The following MUS81 variants were observed in gnomAD, a reference collection of about 807,000 sequenced individuals.
MUS81 encodes MUS81 structure-specific endonuclease subunit, also known as structure-specific endonuclease subunit MUS81.
A neutral mutation model predicts 74.2 loss-of-function variants in MUS81; 69 were observed. The observed-to-expected ratio is 0.93, with a 90% CI of 0.77 to 1.14. The LOEUF is 1.14. MUS81 is among the 50% of genes most tolerant of loss of function. The probability of loss-of-function intolerance (pLI) is 0.00; values close to 1 mark genes in which losing one functional copy is unlikely to be tolerated. For missense variants in MUS81, 711 were observed against 726.5 expected (o/e 0.98, Z 0.25); for synonymous variants, 303 against 300.6 (o/e 1.01, Z -0.08).
Position 65,864,502 on chromosome 11 carries a change from G to A in MUS81, c.1065G>A (p.Arg355=), listed in dbSNP as rs630303. Reference sequence around the variant, plus strand: ...CACTCTGTACACTTCCCTAGTTCCGGCTGAAGCGCTGTGGTCTGGAGCGCC... The same window carrying A: ...CACTCTGTACACTTCCCTAGTTCCGACTGAAGCGCTGTGGTCTGGAGCGCC... ...IDGRFREQKF[R]LKRCGLERRV... The change falls in exon 11 of 16, where the codon CGG becomes CGA. Residue 355 remains arginine, a synonymous_variant. Transcript: ENST00000308110. 0.63 allele frequency: 1,012,059 copies of A among 1,612,680 alleles called. 328,583 individuals carry two copies. The highest frequency in any genetic ancestry group is 0.7 in the Middle Eastern group (4,248 of 6,056).
Position 65,863,637 on chromosome 11 carries a change from C to T in MUS81, c.877C>T (p.Arg293Trp), listed in dbSNP as rs777034208. ...HRPELLRELQRLHVTHTVRKL... is the reference protein window; with the variant it reads ...HRPELLRELQWLHVTHTVRKL... ...GCCGGAGCTGCTCCGAGAGCTACAG[C>T]GGCTGCACGTGACCCACACGGTGCG... Residue 293 changes from arginine to tryptophan, a missense_variant, in exon 9 of 16, where the codon CGG becomes TGG. Physicochemically the swap from Arg to Trp is moderately radical, Grantham distance 101 (BLOSUM62 -3). Transcript: ENST00000308110. 7.4e-5 allele frequency: 120 copies of T among 1,613,898 alleles called. No individual in the cohort carries two copies. Among genetic ancestry groups the T allele is most frequent in the African/African-American group, 4.5e-4 (34 of 74,904 alleles).
Position 65,865,893 on chromosome 11 carries a change from A to G in MUS81, c.1588A>G (p.Arg530Gly). ...LSTIKCGRLQ[R>G]NLGPALSRTL... ...CACCATTAAGTGTGGGCGTCTACAG[A>G]GGTGAGGGCAAGAGACGGAACCTGG... Residue 530 changes from arginine to glycine, a missense_variant and splice_region_variant, in exon 15 of 16, where the codon AGG becomes GGG. Arg to Gly is a moderately radical substitution (Grantham distance 125). Transcript: ENST00000308110. 6.2e-7 allele frequency: 1 copy of G among 1,614,096 alleles called. No individual in the cohort carries two copies. The highest frequency in any genetic ancestry group is 1.7e-4 in the Middle Eastern group (1 of 6,056).
chr11:65,867,242 C>CT, downstream of MUS81: 1 of 741,170 alleles, frequency 1.3e-6, no homozygotes, highest in Non-Finnish European at 2.2e-6. Context: ...CTCGATGTCT[C>CT]TCCTCCCCAC....
Position 65,863,461 on chromosome 11 carries a change from G to C in MUS81, c.798G>C (p.Glu266Asp). Residue 266 changes from glutamate to aspartate, a missense_variant, in exon 8 of 16, where the codon GAG (glutamate) becomes GAC (aspartate). Physicochemically the swap from Glu to Asp is conservative, Grantham distance 45. Transcript: ENST00000308110. ...AGCCACTGGAGCTGAGGCCTGGAGAGTACAGGGTGCTGTTGTGTGTGGACA... is the reference window on the plus strand; with the variant it reads ...AGCCACTGGAGCTGAGGCCTGGAGACTACAGGGTGCTGTTGTGTGTGGACA... Reference protein sequence around the residue: ...QQQPLELRPGEYRVLLCVDIG... With the variant: ...QQQPLELRPGDYRVLLCVDIG... 6.2e-7 allele frequency: 1 copy of C among 1,614,184 alleles called. No homozygotes were observed. Among genetic ancestry groups the C allele is most frequent in the East Asian group, 2.2e-5 (1 of 44,884 alleles).
chr11:65,861,167 T>C lies in MUS81; in HGVS notation c.265+65T>C. The C allele has an allele frequency of 3.7e-6, 6 of 1,605,872 alleles. No homozygotes were observed. In the South Asian group the frequency reaches 6.6e-5, roughly 18 times the overall value. On this transcript the variant is annotated intron_variant, in intron 2 of 15. Coordinates refer to ENST00000308110, the MANE Select transcript of MUS81 (RefSeq NM_025128.5). Reference sequence around the variant, plus strand: ...CCCAGGTGGAGCCTCCGTACTCTCCTGGGAGCCCTTGGCTTTTAAGCTCCC... The same window carrying C: ...CCCAGGTGGAGCCTCCGTACTCTCCCGGGAGCCCTTGGCTTTTAAGCTCCC...
chr11:65,866,016 A>G lies in MUS81; in HGVS notation c.1620A>G (p.Leu540=), dbSNP rs1185116028. Residue 540 remains leucine, a synonymous_variant, in exon 16 of 16, where the codon TTA becomes TTG. Coordinates refer to ENST00000308110, the MANE Select transcript of MUS81 (RefSeq NM_025128.5). Reference sequence around the variant, plus strand: ...TGGGGCCTGCTCTGAGCAGGACCTTATCCCAGCTCTACTGCAGCTACGGCC... The same window carrying G: ...TGGGGCCTGCTCTGAGCAGGACCTTGTCCCAGCTCTACTGCAGCTACGGCC... ...RNLGPALSRT[L]SQLYCSYGPL... is the part of the protein sequence containing the mutation. 6.2e-7 allele frequency: 1 copy of G among 1,613,990 alleles called. No homozygotes were observed. The highest frequency in any genetic ancestry group is 1.1e-5 in the South Asian group (1 of 91,078).
intron 10 of MUS81, chr11:65,864,272 A>G: frequency 1.7e-6 from 1 of 597,868 alleles, no homozygotes; most frequent in Non-Finnish European, 3.0e-6. Flanking sequence ...GGGAGGCTTG[A>G]AGGATGGGCA....
In MUS81 at chr11:65,863,901, G is replaced by A. The variant is rs376263352; in HGVS notation, c.1059G>A (p.Lys353=). ...TCGACGGCCGCTTCCGGGAGCAGAA[G>A]GTAATTTTGCTGGCTTTGCCAGGCT... ...SIIDGRFREQ[K]FRLKRCGLER... is the part of the protein sequence containing the mutation. Residue 353 remains lysine (K), a splice_region_variant and synonymous_variant, in exon 10 of 16, where the codon AAG becomes AAA. Transcript: ENST00000308110. The A allele has an allele frequency of 1.6e-5, 26 of 1,613,846 alleles. No individual in the cohort carries two copies. The highest frequency in any genetic ancestry group is 2.0e-5 in the Non-Finnish European group (24 of 1,179,944).
rs1224889243 is a variant in MUS81 at position 65,860,832 on chromosome 11, G to A, written c.79G>A (p.Glu27Lys). The change falls in exon 1 of 16, where the codon GAG becomes AAG. Residue 27 changes from glutamate to lysine, a missense_variant. By Grantham distance (56) the Glu-to-Lys change is moderately conservative (BLOSUM62 1). Transcript: ENST00000308110. Reference protein sequence around the residue: ...PNPLFVRWLTEWRDEATRSRR... With the variant: ...PNPLFVRWLTKWRDEATRSRR... ...CCCGCTCTTCGTTCGCTGGCTGACC[G>A]AGTGGCGGGACGAGGCGACCCGCAG... 6.5e-7 allele frequency: 1 copy of A among 1,544,226 alleles called. No individual in the cohort carries two copies. The highest frequency in any genetic ancestry group is 8.7e-7 in the Non-Finnish European group (1 of 1,147,056).
intron 6 of MUS81, 70 bp downstream of exon 6, chr11:65,862,599 C>T (rs751475713): frequency 7.1e-7 from 1 of 1,405,884 alleles, no homozygotes; most frequent in Middle Eastern, 1.8e-4. Flanking sequence ...AGTCACCCAA[C>T]AACTCCCAGA....
chr11:65,859,879 C>T (rs1239923121), upstream of MUS81, among the ~76,000 whole-genome samples: 1 of 152,208 alleles, frequency 6.6e-6, no homozygotes, highest in Non-Finnish European at 1.5e-5. Flanking sequence ...TCCCCTCTAC[C>T]TGTGTCTGGG....
In MUS81 at chr11:65,865,245, C is replaced by T; in HGVS notation, c.1427C>T (p.Ala476Val). 6.2e-7 allele frequency: 1 copy of T among 1,614,152 alleles called. No homozygotes were observed. The highest frequency in any genetic ancestry group is 8.5e-7 in the Non-Finnish European group (1 of 1,180,022). Reference protein sequence around the residue: ...NKAQSVREVFARQLMQVRGVS... With the variant: ...NKAQSVREVFVRQLMQVRGVS... ...GCCCAGTCGGTGCGAGAAGTGTTTG[C>T]CCGGCAGCTGATGCAGGTGCGCGGA... Residue 476 changes from alanine to valine, a missense_variant, in exon 14 of 16, where the codon GCC (alanine) becomes GTC (valine). By Grantham distance (64) the Ala-to-Val change is moderately conservative. Coordinates refer to ENST00000308110, the MANE Select transcript of MUS81 (RefSeq NM_025128.5).
chr11:65,865,275 GT>G lies in MUS81; in HGVS notation c.1458del (p.Ser486ArgfsTer35). 1 of 1,614,202 alleles carries G rather than the reference GT, an allele frequency of 6.2e-7. No individual in the cohort carries two copies. Among genetic ancestry groups the G allele is most frequent in the Non-Finnish European group, 8.5e-7 (1 of 1,180,018 alleles). ...CAGCTGATGCAGGTGCGCGGAGTGAGTGGGGAGAAGGCAGCAGCCCTGGTGG... is the reference window on the plus strand; with the variant it reads ...CAGCTGATGCAGGTGCGCGGAGTGAGGGGGAGAAGGCAGCAGCCCTGGTGG... ...ARQLMQVRGV[S>X]GEKAAALVDR... On this transcript the variant is annotated frameshift_variant, in exon 14 of 16. Transcript: ENST00000308110. LOFTEE classifies it high-confidence loss of function.
chr11:65,866,129 G>T lies in MUS81; in HGVS notation c.*77G>T. The T allele has an allele frequency of 1.4e-6, 2 of 1,391,446 alleles. No individual in the cohort carries two copies. The highest frequency in any genetic ancestry group is 9.9e-7 in the Non-Finnish European group (1 of 1,005,450). 86.2% of individuals were successfully genotyped at this position (1,391,446 alleles called of 1,614,324 possible). A position where few individuals can be genotyped will look rare whatever the true frequency, so the allele number is the denominator to read the frequency against. Reference sequence around the variant, plus strand: ...AGCCAGCCTTTTAACAACATCTTTTGGGGTACAATTAGAATCTAAGTGTTT... The same window carrying T: ...AGCCAGCCTTTTAACAACATCTTTTTGGGTACAATTAGAATCTAAGTGTTT... On this transcript the variant is annotated 3_prime_UTR_variant, in exon 16 of 16. Transcript: ENST00000308110.
At position 65,860,908 on chromosome 11, in the gene MUS81, G is replaced by A. The variant is rs763933794; in HGVS notation, c.135+20G>A. Reference sequence around the variant, plus strand: ...CAGAAGGTGGGTCCTGGCGTGGCCCGATGGGAAAAGCTGCTGGCCAGGTCA... The same window carrying A: ...CAGAAGGTGGGTCCTGGCGTGGCCCAATGGGAAAAGCTGCTGGCCAGGTCA... On this transcript the variant is annotated intron_variant, in intron 1 of 15. Transcript: ENST00000308110. 5 of 1,603,120 alleles carry A rather than the reference G, an allele frequency of 3.1e-6. No individual in the cohort carries two copies. Among genetic ancestry groups the A allele is most frequent in the Non-Finnish European group, 3.4e-6 (4 of 1,175,822 alleles).
At chr11:65,866,670 G>A (rs1198637451), downstream of MUS81, 13 of 704,428 alleles carry the variant, frequency 1.8e-5, no homozygotes, top group Non-Finnish European at 3.1e-5. Flanking sequence ...ACTGAAGCTC[G>A]TGGTGCAGAG....
At chr11:65,865,931 G>T in intron 15 of MUS81, 37 bp downstream of exon 15, 1 of 1,613,976 alleles carries the variant, frequency 6.2e-7, no homozygotes, top group East Asian at 2.2e-5. Context: ...GGAGTGGCAG[G>T]GACTGGGGCT....
rs1315891648 is a variant in MUS81 at position 65,860,653 on chromosome 11, C to T, written c.-101C>T. 20 of 1,497,466 alleles carry T rather than the reference C, an allele frequency of 1.3e-5. No homozygotes were observed. Among genetic ancestry groups the T allele is most frequent in the Non-Finnish European group, 1.7e-5 (19 of 1,115,084 alleles). 92.8% of individuals were successfully genotyped at this position (1,497,466 alleles called of 1,614,324 possible). ...CGGTCCTGCCCTCGGTCTCCCTCTTCCCCCGCCCCGCCCTGGGCCAGGTGT... is the reference window on the plus strand; with the variant it reads ...CGGTCCTGCCCTCGGTCTCCCTCTTTCCCCGCCCCGCCCTGGGCCAGGTGT... On this transcript the variant is annotated 5_prime_UTR_variant, in exon 1 of 16. Coordinates refer to ENST00000308110, the MANE Select transcript of MUS81 (RefSeq NM_025128.5).
At chr11:65,861,485 T>C (rs1322571670) in intron 3 of MUS81, 50 bp downstream of exon 3, 2 of 1,502,448 alleles carry the variant, frequency 1.3e-6, no homozygotes, top group African/African-American at 1.4e-5. Flanking sequence ...TGCGGGAGTA[T>C]GATTTTCTGG....
Sources: allele counts gnomAD v4.1 joint callset (sites outside exome capture counted in the v4.1 genomes callset), GRCh38; gene constraint gnomAD v4.1.1; transcripts MANE v1.5; gene names NCBI Gene and HGNC (gene_info 2026-07-23, HGNC 2026-07-21).